The following CUL2 variants were observed in gnomAD, a reference collection of about 807,000 sequenced individuals.
CUL2 encodes the protein cullin-2.
In CUL2, 22 loss-of-function variants were observed where a neutral mutation model predicts 110.2. The observed-to-expected ratio is 0.20, with a 90% confidence interval of 0.14 to 0.28. The LOEUF is 0.28. Among genes scored for constraint, CUL2 ranks in the 10% least tolerant of loss-of-function variants. The pLI is 1.00. For missense variants in CUL2, 631 were observed against 905.5 expected (o/e 0.70, Z 3.89); for synonymous variants, 279 against 293.2 (o/e 0.95, Z 0.49).
intron 1 of CUL2, chr10:35,079,787 T>C (rs2086902915): frequency 6.5e-6 from 1 of 154,786 alleles, no homozygotes; most frequent in Non-Finnish European, 1.5e-5. Context: ...CTCTCTGGTG[T>C]ATCCATATTG....
At position 35,078,490 on chromosome 10, in the gene CUL2, G is replaced by A. The variant is rs923996569; in HGVS notation, c.-22-7151C>T. Among the ~76,000 whole-genome samples, 122 of 151,600 alleles carry A rather than the reference G, an allele frequency of 8.0e-4. 1 individual carries two copies. The highest frequency in any genetic ancestry group is 2.8e-3 in the African/African-American group (117 of 41,334). ...TTGTATTTTTTTTTTTAGTAGAGAC[G>A]GGGTTTCTCCATGTTGGTCAGGCTG... On this transcript the variant is annotated intron_variant, in intron 1 of 20. Coordinates refer to ENST00000374749, the MANE Select transcript of CUL2 (RefSeq NM_003591.4).
At chr10:35,033,347 CTT>C (rs1395407384) in intron 10 of CUL2, 74 bp from the exon 11 acceptor site, 3 of 991,710 alleles carry the variant, frequency 3.0e-6, no homozygotes, top group Non-Finnish European at 4.6e-6. Flanking sequence ...GTTTATTAGA[CTT>C]ATTAGTAAAT....
chr10:35,048,595 T>G (rs777735900), intron 6 of CUL2, among the ~76,000 whole-genome samples: 1 of 152,248 alleles, frequency 6.6e-6, no homozygotes, highest in Non-Finnish European at 1.5e-5. Flanking sequence ...TTAGAAGTTT[T>G]GTTGGGAGTG....
At chr10:35,026,351 T>C (rs972018146) in intron 16 of CUL2, among the ~76,000 whole-genome samples, 1 of 152,174 alleles carries the variant, frequency 6.6e-6, no homozygotes, top group Non-Finnish European at 1.5e-5. Context: ...CCCAGGGATA[T>C]CAATAAAATT....
chr10:35,077,598 A>C (rs900082376), intron 1 of CUL2, among the ~76,000 whole-genome samples: 2 of 152,014 alleles, frequency 1.3e-5, no homozygotes, highest in Non-Finnish European at 2.9e-5. Context: ...CAGGCGCATT[A>C]CCTGAGGTCA....
intron 1 of CUL2, among the ~76,000 whole-genome samples, chr10:35,105,826 G>GA (rs112118504): frequency 7.9e-5 from 11 of 139,326 alleles, no homozygotes; most frequent in Non-Finnish European, 1.6e-4. Flanking sequence ...GCAATGTCCT[G>GA]AAAAAAAAAA....
chr10:35,035,495 A>G (rs2085599220), intron 9 of CUL2, among the ~76,000 whole-genome samples, 199 bp from the exon 10 acceptor site: 1 of 152,154 alleles, frequency 6.6e-6, no homozygotes, highest in African/African-American at 2.4e-5. Flanking sequence ...CTTCCCAAAG[A>G]TATTTTGTGC....
At chr10:35,026,142 A>G (rs903795964) in intron 16 of CUL2, among the ~76,000 whole-genome samples, 2 of 152,204 alleles carry the variant, frequency 1.3e-5, no homozygotes, top group Non-Finnish European at 2.9e-5. Flanking sequence ...GGAAGCTGAA[A>G]TATGTTGAGC....
intron 17 of CUL2, among the ~76,000 whole-genome samples, chr10:35,022,093 A>G (rs1422691217): frequency 6.6e-6 from 1 of 152,038 alleles, no homozygotes; most frequent in African/African-American, 2.4e-5. Flanking sequence ...CTGTCTTCCT[A>G]CTAGACATGA....
At chr10:35,039,248 AT>A (rs973935317) in intron 8 of CUL2, among the ~76,000 whole-genome samples, 166 bp from the exon 9 acceptor site, 3 of 152,210 alleles carry the variant, frequency 2.0e-5, no homozygotes, top group African/African-American at 7.2e-5. Flanking sequence ...ATCATTTCAA[AT>A]TTTTATTTAA....
chr10:35,091,894 C>G (rs2087211893), upstream of CUL2, among the ~76,000 whole-genome samples: 1 of 151,704 alleles, frequency 6.6e-6, no homozygotes, highest in African/African-American at 2.4e-5. Context: ...TCCCAAAGTG[C>G]TAGGATTACA....
At chr10:35,072,228 T>TA (rs888581128) in intron 1 of CUL2, among the ~76,000 whole-genome samples, 65 of 148,978 alleles carry the variant, frequency 4.4e-4, no homozygotes, top group African/African-American at 9.3e-4. Flanking sequence ...CTTTTAAGAT[T>TA]AAAAAAAAAA....
Position 35,010,359 on chromosome 10 carries a change from G to A in CUL2, c.2190C>T (p.Tyr730=). The A allele has an allele frequency of 6.2e-7, 1 of 1,611,272 alleles. No homozygotes were observed. The highest frequency in any genetic ancestry group is 8.5e-7 in the Non-Finnish European group (1 of 1,178,810). The change falls in exon 21 of 21, where the codon TAC becomes TAT. Residue 730 remains tyrosine, a synonymous_variant. Transcript: ENST00000374749. The stretch of plus-strand genomic sequence containing the variant: ...CTGCCGACGCCTGGCTGCGTTCTAT[G>A]TATTGTTTGTCTATCAGAACTTCAA... ...KCIEVLIDKQ[Y]IERSQASADE...
chr10:35,060,126 C>T (rs1020145364), intron 4 of CUL2, among the ~76,000 whole-genome samples: 4 of 152,110 alleles, frequency 2.6e-5, no homozygotes, highest in South Asian at 4.2e-4. Flanking sequence ...CCAGGCATGG[C>T]GGTGCACACC....
rs1277005189 is a variant in CUL2 at position 35,016,174 on chromosome 10, T to C, written c.1887+18A>G. 6.3e-7 allele frequency: 1 copy of C among 1,593,904 alleles called. No individual in the cohort carries two copies. Among genetic ancestry groups the C allele is most frequent in the Non-Finnish European group, 8.6e-7 (1 of 1,164,938 alleles). ...TAATGCTGATGATGCTTAAATTCTT[T>C]GGAATATTACTACATACCTTTTCTG... On this transcript the variant is annotated intron_variant, in intron 18 of 20. Coordinates refer to ENST00000374749, the MANE Select transcript of CUL2 (RefSeq NM_003591.4).
In CUL2 at chr10:35,010,119, T is replaced by G; in HGVS notation, c.*192A>C. 1 of 377,904 alleles carries G rather than the reference T, an allele frequency of 2.6e-6. No homozygotes were observed. The highest frequency in any genetic ancestry group is 1.1e-4 in the South Asian group (1 of 9,512). 23.4% of individuals were successfully genotyped at this position (377,904 alleles called of 1,614,324 possible). A position where few individuals can be genotyped will look rare whatever the true frequency, so the allele number is the denominator to read the frequency against. On this transcript the variant is annotated 3_prime_UTR_variant, in exon 21 of 21. Transcript: ENST00000374749. ...AATAAAGTTTTAAGAAATGTCATAA[T>G]GACATGAGCTTGAAATATCTCTAGG...
intron 18 of CUL2, among the ~76,000 whole-genome samples, chr10:35,014,955 C>T (rs2084989828): frequency 1.3e-5 from 2 of 152,108 alleles, no homozygotes; most frequent in Non-Finnish European, 2.9e-5. Context: ...TAAGAATTTA[C>T]TAGCCTAAAA....
At chr10:35,078,616 A>G (rs1423029595) in intron 1 of CUL2, among the ~76,000 whole-genome samples, 2 of 152,150 alleles carry the variant, frequency 1.3e-5, no homozygotes, top group African/African-American at 4.8e-5. Flanking sequence ...TTTTTCATAT[A>G]AAGAGATTTG....
chr10:35,041,646 T>G (rs1315666777), intron 8 of CUL2, among the ~76,000 whole-genome samples: 1 of 152,196 alleles, frequency 6.6e-6, no homozygotes, highest in Non-Finnish European at 1.5e-5. Context: ...CAAGTGATCT[T>G]CCCACCTCAG....
Sources: gnomAD v4.1 joint callset for allele counts (sites outside exome capture counted in the v4.1 genomes callset) on GRCh38, gnomAD v4.1.1 for gene constraint, MANE v1.5 for transcripts, NCBI Gene and HGNC (gene_info 2026-07-23, HGNC 2026-07-21) for gene names.